ADGRV1: variants seen among roughly 807,000 people sequenced by gnomAD.
ADGRV1 encodes adhesion G protein-coupled receptor V1, also known as G-protein coupled receptor 98.
A neutral mutation model predicts 596.2 loss-of-function variants in ADGRV1; 359 were observed. That is an observed-to-expected ratio of 0.60 (90% CI 0.55 to 0.66). The LOEUF is 0.66. Among genes scored for constraint, ADGRV1 ranks in the 30% least tolerant of loss-of-function variants. The pLI is 0.00. For missense variants in ADGRV1, 7,274 were observed against 7,575.6 expected, an observed-to-expected ratio of 0.96 and a Z score of 1.48; for synonymous variants, 2,681 against 2,679.2, an observed-to-expected ratio of 1.00 and a Z score of -0.02.
intron 83 of ADGRV1, among the ~76,000 whole-genome samples, chr5:90,873,780 G>T (rs1443161569): frequency 7.0e-6 from 1 of 143,516 alleles, no homozygotes; most frequent in East Asian, 2.1e-4. Context: ...GGGCAATAAA[G>T]ACCTTGTCTC....
chr5:91,001,549 C>T (rs962813596), intron 85 of ADGRV1, among the ~76,000 whole-genome samples: 66 of 152,008 alleles, frequency 4.3e-4, no homozygotes, highest in African/African-American at 1.6e-3. Flanking sequence ...TTTGTACTTA[C>T]AAACTGTTTG....
chr5:90,807,681 C>T lies in ADGRV1; in HGVS notation c.14916C>T (p.Ala4972=), dbSNP rs772180727. 1 of 1,611,684 alleles carries T rather than the reference C, an allele frequency of 6.2e-7. No homozygotes were observed. Among genetic ancestry groups the T allele is most frequent in the East Asian group, 2.2e-5 (1 of 44,866 alleles). ...TTCCTAGCCCTGGTTGGCCAGAGGC[C>T]TTTGTTCTTCACCTATCAGGAGTGC... ...WTFPSPGWPE[A]FVLHLSGVQS... is the part of the protein sequence containing the mutation. The change falls in exon 73 of 90, where the codon GCC becomes GCT. Residue 4972 remains alanine, a synonymous_variant. Transcript: ENST00000405460.
intron 60 of ADGRV1, 145 bp from the exon 61 acceptor site, chr5:90,776,308 A>T: frequency 1.3e-6 from 1 of 785,598 alleles, no homozygotes; most frequent in Non-Finnish European, 2.2e-6. Flanking sequence ...GTCATAGGTA[A>T]AATGAGGATA....
chr5:91,026,115 C>T (rs942212413), intron 85 of ADGRV1, among the ~76,000 whole-genome samples: 3 of 152,144 alleles, frequency 2.0e-5, no homozygotes, highest in African/African-American at 7.2e-5. Context: ...CCACAGCCAG[C>T]AATACACAGC....
intron 75 of ADGRV1, among the ~76,000 whole-genome samples, chr5:90,820,494 C>T (rs1763376463): frequency 1.3e-5 from 2 of 151,736 alleles, no homozygotes. Context: ...TTAGTTGATG[C>T]AGTTTCTTCT....
intron 83 of ADGRV1, among the ~76,000 whole-genome samples, chr5:90,944,512 G>A (rs1776414367): frequency 6.6e-6 from 1 of 152,116 alleles, no homozygotes; most frequent in Non-Finnish European, 1.5e-5. Context: ...ATTAAGTATA[G>A]TAAACACTCA....
chr5:90,819,305 T>C (rs545794182), intron 75 of ADGRV1, among the ~76,000 whole-genome samples: 2 of 151,700 alleles, frequency 1.3e-5, no homozygotes, highest in South Asian at 2.1e-4. Context: ...TTCTTCTCTC[T>C]TTTTTTCTTT....
intron 50 of ADGRV1, 30 bp downstream of exon 50, chr5:90,729,794 T>C: frequency 6.2e-7 from 1 of 1,605,430 alleles, no homozygotes; most frequent in Non-Finnish European, 8.5e-7. Flanking sequence ...TCACCAATTC[T>C]AAAGGTAGTA....
At chr5:90,574,555 C>T (rs751978719) in intron 1 of ADGRV1, among the ~76,000 whole-genome samples, 77 of 152,116 alleles carry the variant, frequency 5.1e-4, no homozygotes, top group Admixed American at 3.9e-4. Flanking sequence ...TTTGTGGAGT[C>T]TTTAGGATTT....
At chr5:90,925,675 A>C (rs60902211) in intron 83 of ADGRV1, among the ~76,000 whole-genome samples, 9 of 142,834 alleles carry the variant, frequency 6.3e-5, no homozygotes, top group Admixed American at 5.6e-4. Context: ...TATGTTGAAT[A>C]GGAGTGGTGA....
At chr5:90,911,353 C>T (rs1394478896) in intron 83 of ADGRV1, among the ~76,000 whole-genome samples, 1 of 152,158 alleles carries the variant, frequency 6.6e-6, no homozygotes, top group Admixed American at 6.5e-5. Context: ...ATTCTGTAAA[C>T]ATTAGGAAGC....
chr5:90,947,053 A>G (rs192040880), intron 83 of ADGRV1, among the ~76,000 whole-genome samples: 152 of 152,254 alleles, frequency 1.0e-3, no homozygotes, highest in Middle Eastern at 3.4e-3. Flanking sequence ...GTCTTCCACA[A>G]TTGTTGAATT....
At position 90,811,189 on chromosome 5, in the gene ADGRV1, G is replaced by A. The variant is rs368944647; in HGVS notation, c.15929G>A (p.Arg5310His). 47 of 1,613,400 alleles carry A rather than the reference G, an allele frequency of 2.9e-5. No individual in the cohort carries two copies. Among genetic ancestry groups the A allele is most frequent in the African/African-American group, 1.3e-4 (10 of 74,908 alleles). ...TLIFLDGERE[R>H]KVSVQILDDD... ...ATATTCCTAGATGGAGAAAGAGAAC[G>A]TAAAGTATCAGTTCAAATTTTGGAT... is the stretch of plus-strand genomic sequence containing the variant. Residue 5310 changes from arginine to histidine, a missense_variant, in exon 74 of 90, where the codon CGT becomes CAT. Physicochemically the swap from Arg to His is conservative, Grantham distance 29. Coordinates refer to ENST00000405460, the MANE Select transcript of ADGRV1 (RefSeq NM_032119.4).
chr5:91,145,179 A>C (rs527437195), intron 87 of ADGRV1, among the ~76,000 whole-genome samples: 1 of 152,274 alleles, frequency 6.6e-6, no homozygotes, highest in Non-Finnish European at 1.5e-5. Flanking sequence ...TATTTACTGT[A>C]TATTTCTATG....
chr5:91,006,278 A>G (rs1257662530), intron 85 of ADGRV1, among the ~76,000 whole-genome samples: 1 of 152,158 alleles, frequency 6.6e-6, no homozygotes, highest in Non-Finnish European at 1.5e-5. Flanking sequence ...TTTCAAGGAG[A>G]CTGACATGTC....
chr5:90,983,309 C>T (rs987487343), intron 84 of ADGRV1, among the ~76,000 whole-genome samples: 1 of 152,134 alleles, frequency 6.6e-6, no homozygotes, highest in African/African-American at 2.4e-5. Flanking sequence ...CAGACAGCTG[C>T]TGACAGGTTG....
At chr5:90,670,323 A>G (rs1287192482) in intron 21 of ADGRV1, among the ~76,000 whole-genome samples, 1 of 152,232 alleles carries the variant, frequency 6.6e-6, no homozygotes, top group Admixed American at 6.5e-5. Flanking sequence ...TCTGAAGGTC[A>G]GAGGGCAGAG....
intron 88 of ADGRV1, 129 bp from the exon 89 acceptor site, chr5:91,153,092 A>T: frequency 1.5e-6 from 1 of 674,520 alleles, no homozygotes; most frequent in Admixed American, 2.9e-5. Flanking sequence ...TAGTTTCAAA[A>T]CAATGCCACT....
chr5:90,994,441 T>C (rs1781244162), intron 85 of ADGRV1, among the ~76,000 whole-genome samples: 1 of 152,186 alleles, frequency 6.6e-6, no homozygotes, highest in Non-Finnish European at 1.5e-5. Context: ...ATATTTTCTA[T>C]TTGATGTCAT....
Sources: allele counts gnomAD v4.1 joint callset (sites outside exome capture counted in the v4.1 genomes callset), GRCh38; gene constraint gnomAD v4.1.1; transcripts MANE v1.5; gene names NCBI Gene and HGNC (gene_info 2026-07-23, HGNC 2026-07-21).